Variants in SEC16A observed in about 807,000 individuals in gnomAD.
The protein encoded by SEC16A is SEC16 homolog A, endoplasmic reticulum export factor.
In SEC16A, 110 loss-of-function variants were observed where a neutral mutation model predicts 221.9. The observed-to-expected ratio is 0.50, with a 90% CI of 0.42 to 0.58. The LOEUF is 0.58. Among genes scored for constraint, SEC16A ranks in the 20% least tolerant of loss-of-function variants. The pLI is 0.00. For synonymous variants in SEC16A, 1,393 were observed against 1,257.7 expected (o/e 1.11, Z -2.28); for missense variants, 3,165 against 3,097.8 (o/e 1.02, Z -0.52).
intron 12 of SEC16A, 121 bp downstream of exon 12, chr9:136,462,766 C>A (rs564476381): frequency 8.8e-7 from 1 of 1,137,430 alleles, no homozygotes; most frequent in East Asian, 2.6e-5. Flanking sequence ...CCCGAAGCCC[C>A]ACACTGCAGC....
chr9:136,482,991 C>A lies in SEC16A; in HGVS notation c.-245G>T, dbSNP rs1048931439. 1 of 985,264 alleles carries A rather than the reference C, an allele frequency of 1.0e-6. No individual in the cohort carries two copies. The highest frequency in any genetic ancestry group is 6.1e-5 in the Admixed American group (1 of 16,266). 61.0% of individuals were successfully genotyped at this position (985,264 alleles called of 1,614,324 possible). ...GCCGCGGGCGAAAGCCCACCCGACG[C>A]TGGCGACGAGCACAGACACCTCAGC... is the stretch of plus-strand genomic sequence containing the variant. On this transcript the variant is annotated 5_prime_UTR_variant, in exon 1 of 32. Coordinates refer to ENST00000684901, the MANE Select transcript of SEC16A (RefSeq NM_014866.2).
chr9:136,481,674 G>A (rs1206035449), intron 1 of SEC16A, among the ~76,000 whole-genome samples: 1 of 152,246 alleles, frequency 6.6e-6, no homozygotes, highest in East Asian at 1.9e-4. Flanking sequence ...TTTAAGTGAG[G>A]AAAACAATAG....
At position 136,477,274 on chromosome 9, in the gene SEC16A, C is replaced by G; in HGVS notation, c.342G>C (p.Leu114=). The G allele has an allele frequency of 6.2e-7, 1 of 1,613,920 alleles. No individual in the cohort carries two copies. The highest frequency in any genetic ancestry group is 8.5e-7 in the Non-Finnish European group (1 of 1,179,890). ...QGPCEPLPGP[L]TQPRAHASPF... ...GACTGGCATGTGCTCTGGGCTGTGT[C>G]AGAGGTCCAGGCAGGGGCTCACAGG... Residue 114 remains leucine, a synonymous_variant, in exon 3 of 32, where the codon CTG becomes CTC. Transcript: ENST00000684901.
Position 136,446,858 on chromosome 9 carries a change from G to C in SEC16A, c.6789C>G (p.Pro2263=), listed in dbSNP as rs376794566. The C allele has an allele frequency of 7.5e-5, 121 of 1,603,370 alleles. No individual in the cohort carries two copies. The African/African-American group carries it at 1.5e-3, about 21-fold the overall frequency. ...GLANPEPAPE[P]KVLSSAASLP... is the part of the protein sequence containing the mutation. ...CTTTCCCACCGTACCCGCTCACCTT[G>C]GGCTCTGGGGCAGGCTCTGGATTGG... Residue 2263 remains proline (P), a synonymous_variant, in exon 28 of 32, where the codon CCC becomes CCG. Coordinates refer to ENST00000684901, the MANE Select transcript of SEC16A (RefSeq NM_014866.2).
At chr9:136,483,870 G>T, upstream of SEC16A, 1 of 922,446 alleles carries the variant, frequency 1.1e-6, no homozygotes, top group Non-Finnish European at 1.3e-6. Context: ...CGCGCTGGTT[G>T]CCTGGTTACG....
chr9:136,458,627 C>G (rs78788935), intron 17 of SEC16A, among the ~76,000 whole-genome samples: 1 of 101,990 alleles, frequency 9.8e-6, no homozygotes, highest in Non-Finnish European at 2.1e-5. Context: ...GACTCGGTCT[C>G]AAAAAAAAAA....
Position 136,447,887 on chromosome 9 carries a change from T to C in SEC16A, c.6413A>G (p.Asn2138Ser), listed in dbSNP as rs773874146. ...NKSIVWDEKKNQWVNLNEPEE... is the reference protein window; with the variant it reads ...NKSIVWDEKKSQWVNLNEPEE... Reference sequence around the variant, plus strand: ...TGGCTCATTTAAATTCACCCACTGGTTTTTCTTTTCATCCCAAACAATCTG... The same window carrying C: ...TGGCTCATTTAAATTCACCCACTGGCTTTTCTTTTCATCCCAAACAATCTG... Residue 2138 changes from asparagine (N) to serine (S), a missense_variant, in exon 25 of 32, where the codon AAC (asparagine) becomes AGC (serine). This residue lies in a region of SEC16A where 1,088 missense variants were observed against 1,089.6 expected (regional missense o/e 1.00). Transcript: ENST00000684901. This position sits in a 1 kb window ranked among gnomAD's most constrained non-coding sequence, Gnocchi z 5.5. The C allele has an allele frequency of 6.8e-6, 11 of 1,609,518 alleles. No homozygotes were observed. The Middle Eastern group carries it at 9.9e-4, about 145-fold the overall frequency.
At chr9:136,461,784 C>T (rs1182255418) in intron 12 of SEC16A, among the ~76,000 whole-genome samples, 1 of 152,152 alleles carries the variant, frequency 6.6e-6, no homozygotes, top group Admixed American at 6.5e-5. Context: ...TACATGACTT[C>T]AATCAGTTAT....
At position 136,478,796 on chromosome 9, in the gene SEC16A, C is replaced by A. The variant is rs1245122741; in HGVS notation, c.-157G>T. On this transcript the variant is annotated 5_prime_UTR_variant, in exon 2 of 32. Transcript: ENST00000684901. ...CTGCAGTGAGCTATGATTATACCACCGCGGTCCAGCCTGGGCAACAGAGCA... is the reference window on the plus strand; with the variant it reads ...CTGCAGTGAGCTATGATTATACCACAGCGGTCCAGCCTGGGCAACAGAGCA... 6.6e-6 allele frequency among the ~76,000 whole-genome samples: 1 copy of A among 151,820 alleles called. No individual in the cohort carries two copies. Among genetic ancestry groups the A allele is most frequent in the Non-Finnish European group, 1.5e-5 (1 of 67,956 alleles).
Position 136,455,634 on chromosome 9 carries a change from G to A in SEC16A, c.5824C>T (p.His1942Tyr), listed in dbSNP as rs1190926995. The change falls in exon 20 of 32, where the codon CAC (histidine) becomes TAC (tyrosine). Residue 1942 changes from histidine to tyrosine, a missense_variant. This residue lies in a region of SEC16A where 1,088 missense variants were observed against 1,089.6 expected (regional missense o/e 1.00). Transcript: ENST00000684901. Reference sequence around the variant, plus strand: ...AGCAGCCGCACGCTCGGGCTCGAGTGCTCAGGGCTCGGTGCAGGCACCGCC... The same window carrying A: ...AGCAGCCGCACGCTCGGGCTCGAGTACTCAGGGCTCGGTGCAGGCACCGCC... Reference protein sequence around the residue: ...LLAVPAPSPEHSSPSVRLLPS... With the variant: ...LLAVPAPSPEYSSPSVRLLPS... 2 of 1,585,964 alleles carry A rather than the reference G, an allele frequency of 1.3e-6. No homozygotes were observed. Among genetic ancestry groups the A allele is most frequent in the Non-Finnish European group, 1.7e-6 (2 of 1,167,644 alleles).
chr9:136,445,985 CAG>C (rs1339345512), intron 28 of SEC16A, among the ~76,000 whole-genome samples: 2 of 152,042 alleles, frequency 1.3e-5, no homozygotes, highest in Non-Finnish European at 2.9e-5. Context: ...TCCCATTTTA[CAG>C]AGGGGAAAAC....
In SEC16A at chr9:136,459,887, A is replaced by G. The variant is rs773026225; in HGVS notation, c.5074-13T>C. On this transcript the variant is annotated splice_polypyrimidine_tract_variant and intron_variant, in intron 14 of 31. Coordinates refer to ENST00000684901, the MANE Select transcript of SEC16A (RefSeq NM_014866.2). This position sits in a 1 kb window ranked among gnomAD's most constrained non-coding sequence, Gnocchi z 6.1. ...CGTCTCCACAGCACTAACATGAGGA[A>G]AAACAAAACGAAGCCTCATCCCCGG... is the stretch of plus-strand genomic sequence containing the variant. The G allele has an allele frequency of 1.9e-6, 3 of 1,607,852 alleles. No individual in the cohort carries two copies. The highest frequency in any genetic ancestry group is 2.7e-5 in the African/African-American group (2 of 74,822).
At chr9:136,446,992 G>A (rs1420186221) in intron 27 of SEC16A, 43 bp from the exon 28 acceptor site, 4 of 1,612,458 alleles carry the variant, frequency 2.5e-6, no homozygotes, top group Non-Finnish European at 3.4e-6. Flanking sequence ...CGTCCCGAAC[G>A]TCCCTGGGGT....
At chr9:136,446,149 G>A (rs946517304) in intron 28 of SEC16A, among the ~76,000 whole-genome samples, 2 of 147,084 alleles carry the variant, frequency 1.4e-5, no homozygotes, top group South Asian at 2.2e-4. Flanking sequence ...TCTGTTGCCC[G>A]GGATGGAGTG....
In SEC16A at chr9:136,475,351, T is replaced by C. The variant is rs745375382; in HGVS notation, c.2265A>G (p.Pro755=). The C allele has an allele frequency of 5.0e-6, 8 of 1,609,474 alleles. No homozygotes were observed. The African/African-American group carries it at 9.4e-5, about 19-fold the overall frequency. ...PALYVCAKPQ[P]PVVQPPEEAM... is the part of the protein sequence containing the mutation. ...CCTCTTCTGGAGGCTGAACAACAGG[T>C]GGCTGAGGTTTTGCACACACATAAA... is the stretch of plus-strand genomic sequence containing the variant. Residue 755 remains proline, a synonymous_variant, in exon 3 of 32, where the codon CCA becomes CCG. Coordinates refer to ENST00000684901, the MANE Select transcript of SEC16A (RefSeq NM_014866.2). The surrounding 1 kb of genome is among the most constrained non-coding windows in gnomAD (Gnocchi z 5.0).
rs1019545593 is a variant in SEC16A at position 136,441,155 on chromosome 9, C to T, written c.*600G>A. The T allele has an allele frequency of 6.5e-6, 1 of 153,474 alleles. No individual in the cohort carries two copies. The highest frequency in any genetic ancestry group is 2.4e-5 in the African/African-American group (1 of 41,466). The allele number at this position is 153,474 out of a possible 1,614,324, so 9.5% of individuals were successfully genotyped here. On this transcript the variant is annotated 3_prime_UTR_variant, in exon 32 of 32. Coordinates refer to ENST00000684901, the MANE Select transcript of SEC16A (RefSeq NM_014866.2). Reference sequence around the variant, plus strand: ...ATTCACTGCAGTAACTAAGGCCTCTCTCAAAAACCGTGAACTAATGCCGAA... The same window carrying T: ...ATTCACTGCAGTAACTAAGGCCTCTTTCAAAAACCGTGAACTAATGCCGAA...
In SEC16A at chr9:136,474,140, T is replaced by C. The variant is rs749566583; in HGVS notation, c.3476A>G (p.Tyr1159Cys). ...PGPPPQDLAAYYYYRPLYDAY... is the reference protein window; with the variant it reads ...PGPPPQDLAACYYYRPLYDAY... ...ATCGTACAAAGGCCGGTAGTAGTAG[T>C]AGGCGGCCAGGTCCTGAGGCGGTGG... The change falls in exon 3 of 32, where the codon TAC becomes TGC. Residue 1159 changes from tyrosine (Y) to cysteine (C), a missense_variant. Transcript: ENST00000684901. 14 of 1,613,266 alleles carry C rather than the reference T, an allele frequency of 8.7e-6. No individual in the cohort carries two copies. The highest frequency in any genetic ancestry group is 1.8e-4 in the Middle Eastern group (1 of 5,616).
Position 136,466,334 on chromosome 9 carries a change from G to A in SEC16A, c.4058C>T (p.Ser1353Leu), listed in dbSNP as rs374231100. The change falls in exon 7 of 32, where the codon TCG (serine) becomes TTG (leucine). Residue 1353 changes from serine (S) to leucine (L), a missense_variant. By Grantham distance (145) the Ser-to-Leu change is moderately radical. This residue lies in a region of SEC16A where 2,030 missense variants were observed against 1,923.1 expected (regional missense o/e 1.06). Transcript: ENST00000684901. This position sits in a 1 kb window ranked among gnomAD's most constrained non-coding sequence, Gnocchi z 5.5. ...GTGTGCGCTGTGCAGGCTCCGTGCC[G>A]AGTGCTCGCTGTGGACGCTGCGCCG... ...VDRRSVHSEH[S>L]ARSLHSAHSL... The A allele has an allele frequency of 5.7e-6, 9 of 1,574,144 alleles. No homozygotes were observed. Among genetic ancestry groups the A allele is most frequent in the African/African-American group, 5.4e-5 (4 of 73,856 alleles).
chr9:136,461,103 C>G (rs1363056146), intron 13 of SEC16A, 74 bp downstream of exon 13: 3 of 1,189,260 alleles, frequency 2.5e-6, no homozygotes, highest in Admixed American at 4.0e-5. Flanking sequence ...CCGCCTGCCC[C>G]CAGGGTGCGG....
Sources: allele counts gnomAD v4.1 joint callset (sites outside exome capture counted in the v4.1 genomes callset), GRCh38; gene constraint gnomAD v4.1.1; regional missense constraint gnomAD v4.1.1; non-coding constraint Gnocchi (gnomAD v3.1); transcripts MANE v1.5; gene names NCBI Gene and HGNC (gene_info 2026-07-23, HGNC 2026-07-21).